Variants in PDXDC1 observed in about 807,000 individuals in gnomAD.
PDXDC1 encodes pyridoxal-dependent decarboxylase domain-containing protein 1.
A neutral mutation model predicts 100.1 loss-of-function variants in PDXDC1; 42 were observed. The ratio of observed to expected loss-of-function variants is 0.42; its 90% CI spans 0.33 to 0.54. The LOEUF (loss-of-function observed/expected upper bound fraction) is 0.54, where lower values mean the gene tolerates loss of function less well. PDXDC1 is among the 20% of genes least tolerant of loss of function. PDXDC1 has a pLI of 0.10. For synonymous variants in PDXDC1, 260 were observed against 371.7 expected, an observed-to-expected ratio of 0.70 and a Z score of 3.46; for missense variants, 636 against 979.2, an observed-to-expected ratio of 0.65 and a Z score of 4.68.
rs1366998257 is a variant in PDXDC1 at position 14,975,235 on chromosome 16, G to A, written c.21+15G>A. On this transcript the variant is annotated intron_variant, in intron 1 of 22. Transcript: ENST00000396410. ...CCCTGGAGAAGGTCCGTGCCGGGAGGGGGCGATGGGGACGGTGCTGCGGCC... is the reference window on the plus strand; with the variant it reads ...CCCTGGAGAAGGTCCGTGCCGGGAGAGGGCGATGGGGACGGTGCTGCGGCC... 4.2e-6 allele frequency: 6 copies of A among 1,415,882 alleles called. No homozygotes were observed. The highest frequency in any genetic ancestry group is 1.6e-5 in the South Asian group (1 of 61,988). The allele number at this position is 1,415,882 out of a possible 1,614,324, so 87.7% of individuals were successfully genotyped here. A position where few individuals can be genotyped will look rare whatever the true frequency, so the allele number is the denominator to read the frequency against.
intron 16 of PDXDC1, chr16:15,061,998 A>C (rs1248803748): frequency 8.2e-7 from 1 of 1,218,536 alleles, no homozygotes; most frequent in African/African-American, 1.5e-5. Context: ...AACGTTTGTA[A>C]AGATGGTGAA....
At chr16:14,984,845 A>G (rs548876755) in intron 1 of PDXDC1, among the ~76,000 whole-genome samples, 1 of 152,318 alleles carries the variant, frequency 6.6e-6, no homozygotes, top group Admixed American at 6.5e-5. Context: ...ACTGAGGAAA[A>G]GTGTTGATTC....
intron 1 of PDXDC1, among the ~76,000 whole-genome samples, chr16:14,975,876 C>A (rs1966757358): frequency 6.6e-6 from 1 of 152,282 alleles, no homozygotes; most frequent in Non-Finnish European, 1.5e-5. Flanking sequence ...CCTCTGAGTT[C>A]CAGAAAGGGG....
chr16:15,109,818 C>T (rs1480022270), intron 16 of PDXDC1, among the ~76,000 whole-genome samples: 4 of 140,400 alleles, frequency 2.8e-5, no homozygotes, highest in African/African-American at 1.0e-4. Flanking sequence ...CACAGCACTC[C>T]AGCCTGGGCG....
intron 16 of PDXDC1, chr16:15,110,702 G>A (rs1303334764): frequency 1.9e-6 from 3 of 1,587,558 alleles, no homozygotes; most frequent in Non-Finnish European, 2.6e-6. Context: ...CACACTATGG[G>A]GACTCCAACA....
At chr16:15,135,422 G>A in intron 16 of PDXDC1, 1 of 1,277,342 alleles carries the variant, frequency 7.8e-7, no homozygotes, top group Non-Finnish European at 1.1e-6. Flanking sequence ...ACACCCGCCA[G>A]CCTCCCTCTG....
At chr16:14,979,087 C>T (rs528739287) in intron 1 of PDXDC1, among the ~76,000 whole-genome samples, 863 of 152,140 alleles carry the variant, frequency 5.7e-3, no homozygotes, top group African/African-American at 0.019. Flanking sequence ...GCTACAGTTC[C>T]GGTTTGGTCA....
intron 16 of PDXDC1, among the ~76,000 whole-genome samples, chr16:15,129,390 G>T (rs2047931871): frequency 6.6e-6 from 1 of 152,010 alleles, no homozygotes; most frequent in Non-Finnish European, 1.5e-5. Context: ...TGTGAGCCAA[G>T]ATCACGCCAC....
chr16:15,027,459 C>T (rs2042698915), intron 14 of PDXDC1, among the ~76,000 whole-genome samples: 1 of 152,256 alleles, frequency 6.6e-6, no homozygotes, highest in South Asian at 2.1e-4. Flanking sequence ...AGACCCCCTT[C>T]CTTATCACAA....
chr16:15,133,548 C>T (rs1697386949), intron 16 of PDXDC1: 2 of 1,000,228 alleles, frequency 2.0e-6, no homozygotes, highest in Non-Finnish European at 3.1e-6. Flanking sequence ...GCCAGGCCCA[C>T]CTCGAAGTGT....
downstream of PDXDC1, among the ~76,000 whole-genome samples, chr16:15,141,385 G>C (rs372604185): frequency 1.3e-5 from 2 of 152,240 alleles, no homozygotes; most frequent in Non-Finnish European, 2.9e-5. Flanking sequence ...ACGGACGGTG[G>C]AGCCGAGCCC....
chr16:15,002,656 CA>C (rs1973412838), intron 4 of PDXDC1, among the ~76,000 whole-genome samples: 1 of 152,272 alleles, frequency 6.6e-6, no homozygotes, highest in East Asian at 1.9e-4. Context: ...GTCTGGAGGA[CA>C]AAGTCCTGAA....
chr16:15,051,961 T>G (rs1454434126), intron 16 of PDXDC1, among the ~76,000 whole-genome samples: 1 of 152,050 alleles, frequency 6.6e-6, no homozygotes, highest in African/African-American at 2.4e-5. Context: ...CATATGCAAG[T>G]AGTCCCAGTT....
At chr16:15,109,432 G>A (rs962798181) in intron 16 of PDXDC1, among the ~76,000 whole-genome samples, 2 of 147,598 alleles carry the variant, frequency 1.4e-5, no homozygotes, top group Non-Finnish European at 3.0e-5. Flanking sequence ...GCCGAGGTGT[G>A]CGGATCATGA....
intron 1 of PDXDC1, among the ~76,000 whole-genome samples, chr16:14,979,308 G>A (rs1342982576): frequency 9.9e-5 from 15 of 151,190 alleles, no homozygotes; most frequent in African/African-American, 3.2e-4. Flanking sequence ...TTTTTTTTTT[G>A]AGATGGAGTC....
At chr16:15,039,552 TAATTA>T (rs778881445), downstream of PDXDC1, among the ~76,000 whole-genome samples, 6 of 152,218 alleles carry the variant, frequency 3.9e-5, no homozygotes, top group South Asian at 2.1e-4. Flanking sequence ...TATTTTGGGT[TAATTA>T]AATTGTTCCA....
At chr16:15,094,495 C>G (rs1263065692) in intron 16 of PDXDC1, 6 of 541,292 alleles carry the variant, frequency 1.1e-5, no homozygotes, top group Non-Finnish European at 1.9e-5. Flanking sequence ...CCTGAGGATC[C>G]CGAAGAAAGG....
the PDXDC1 span, among the ~76,000 whole-genome samples, chr16:15,144,796 C>T: frequency 4.6e-5 from 7 of 152,174 alleles, no homozygotes; most frequent in East Asian, 1.9e-4. Context: ...CTTGCCTACA[C>T]GGATGGAAAA....
At chr16:15,081,983 A>C (rs1418008954) in intron 16 of PDXDC1, among the ~76,000 whole-genome samples, 1 of 152,036 alleles carries the variant, frequency 6.6e-6, no homozygotes, top group Non-Finnish European at 1.5e-5. Context: ...ACCATGCTGA[A>C]CTCATTTATT....
Sources: allele counts gnomAD v4.1 joint callset (sites outside exome capture counted in the v4.1 genomes callset), GRCh38; gene constraint gnomAD v4.1.1; transcripts MANE v1.5; gene names NCBI Gene and HGNC (gene_info 2026-07-23, HGNC 2026-07-21).